The following TIPARP variants were observed in gnomAD, a reference collection of about 807,000 sequenced individuals.
The protein encoded by TIPARP is protein mono-ADP-ribosyltransferase TIPARP.
Under a neutral mutation model 56.5 loss-of-function variants are expected in TIPARP, and 12 were observed. The ratio of observed to expected loss-of-function variants is 0.21; its 90% confidence interval spans 0.14 to 0.34. TIPARP has a LOEUF of 0.34. Among genes scored for constraint, TIPARP ranks in the 10% least tolerant of loss-of-function variants. The probability of loss-of-function intolerance (pLI) is 1.00; values close to 1 mark genes in which losing one functional copy is unlikely to be tolerated. For synonymous variants in TIPARP, 296 were observed against 265.7 expected, an observed-to-expected ratio of 1.11 and a Z score of -1.11; for missense variants, 604 against 781.6, an observed-to-expected ratio of 0.77 and a Z score of 2.71.
At chr3:156,683,721 G>T (rs1722360552) in intron 2 of TIPARP, among the ~76,000 whole-genome samples, 1 of 152,174 alleles carries the variant, frequency 6.6e-6, no homozygotes, top group African/African-American at 2.4e-5. Flanking sequence ...AAGTTCTTCT[G>T]TGTATTTCTA....
chr3:156,688,485 C>CA (rs1722485442), intron 2 of TIPARP, among the ~76,000 whole-genome samples: 1 of 148,396 alleles, frequency 6.7e-6, no homozygotes, highest in Admixed American at 6.7e-5. Context: ...TATTGCCGCC[C>CA]CCCCCCGCAA....
intron 4 of TIPARP, among the ~76,000 whole-genome samples, chr3:156,701,981 A>G (rs1326130870): frequency 2.6e-4 from 36 of 137,082 alleles, no homozygotes; most frequent in African/African-American, 9.1e-4. Flanking sequence ...TAGCTTCTTG[A>G]AAGTCATCTC....
chr3:156,705,302 T>A lies in TIPARP; in HGVS notation c.*171T>A. ...TTTTTTAAAAAAAAAATACAAGTTT[T>A]AAAATGACCACTTACTCTTTAATTA... On this transcript the variant is annotated 3_prime_UTR_variant, in exon 6 of 6. Transcript: ENST00000295924. The A allele has an allele frequency of 1.8e-6, 1 of 561,896 alleles. No homozygotes were observed. Among genetic ancestry groups the A allele is most frequent in the Non-Finnish European group, 3.1e-6 (1 of 324,824 alleles). 34.8% of individuals were successfully genotyped at this position (561,896 alleles called of 1,614,324 possible).
At position 156,677,656 on chromosome 3, in the gene TIPARP, G is replaced by T; in HGVS notation, c.-41-1G>T. On this transcript the variant is annotated splice_acceptor_variant, in intron 1 of 5. Coordinates refer to ENST00000295924, the MANE Select transcript of TIPARP (RefSeq NM_015508.5). LOFTEE classifies it low-confidence loss of function (5UTR_SPLICE). Reference sequence around the variant, plus strand: ...GATCATCTTCCTTCCTTTCCTCGTAGGATTTTTAGACTCTGAGGAGCAGTT... The same window carrying T: ...GATCATCTTCCTTCCTTTCCTCGTATGATTTTTAGACTCTGAGGAGCAGTT... 1.3e-6 allele frequency: 2 copies of T among 1,505,802 alleles called. No homozygotes were observed. Among genetic ancestry groups the T allele is most frequent in the Non-Finnish European group, 1.8e-6 (2 of 1,128,108 alleles). The allele number at this position is 1,505,802 out of a possible 1,614,324, so 93.3% of individuals were successfully genotyped here. A position where few individuals can be genotyped will look rare whatever the true frequency, so the allele number is the denominator to read the frequency against.
intron 4 of TIPARP, among the ~76,000 whole-genome samples, chr3:156,700,920 G>A (rs980219877): frequency 1.6e-4 from 25 of 152,200 alleles, no homozygotes; most frequent in Admixed American, 5.2e-4. Context: ...GCTGGTGTCC[G>A]TCTGTGAAAC....
rs1169668570 is a variant in TIPARP at position 156,678,378 on chromosome 3, G to A, written c.681G>A (p.Val227=). ...EASLDLVFEL[V]NQLQYHTHQE... ...CCCTTGACCTCGTGTTTGAGCTGGT[G>A]AACCAGTTGCAGTACCACACTCACC... The change falls in exon 2 of 6, where the codon GTG becomes GTA. Residue 227 remains valine (V), a synonymous_variant. Transcript: ENST00000295924. The A allele has an allele frequency of 1.2e-6, 2 of 1,614,200 alleles. No individual in the cohort carries two copies. The highest frequency in any genetic ancestry group is 8.5e-7 in the Non-Finnish European group (1 of 1,180,024).
chr3:156,687,346 G>A (rs921998886), intron 2 of TIPARP, among the ~76,000 whole-genome samples: 6 of 152,154 alleles, frequency 3.9e-5, no homozygotes, highest in Non-Finnish European at 8.8e-5. Context: ...GATCTCATAA[G>A]TGTAATTTTT....
At position 156,677,586 on chromosome 3, in the gene TIPARP, C is replaced by T. The variant is rs552683852; in HGVS notation, c.-41-71C>T. 6.7e-5 allele frequency: 73 copies of T among 1,085,596 alleles called. No individual in the cohort carries two copies. In the East Asian group the frequency reaches 1.6e-3, roughly 25 times the overall value. 67.2% of individuals were successfully genotyped at this position (1,085,596 alleles called of 1,614,324 possible). On this transcript the variant is annotated intron_variant, in intron 1 of 5. Transcript: ENST00000295924. ...GGAATCAGTCAGGACAAAAACAAAA[C>T]ATTTTAATGAATGAATGAAATCCAG...
Position 156,705,043 on chromosome 3 carries a change from C to G in TIPARP, c.1886C>G (p.Pro629Arg). The G allele has an allele frequency of 6.2e-7, 1 of 1,614,054 alleles. No homozygotes were observed. Among genetic ancestry groups the G allele is most frequent in the Non-Finnish European group, 8.5e-7 (1 of 1,179,942 alleles). The change falls in exon 6 of 6, where the codon CCT (proline) becomes CGT (arginine). Residue 629 changes from proline to arginine, a missense_variant. Transcript: ENST00000295924. ...TCTTGTGTGGATAATTTCTTTGAGC[C>G]TCAGATTTTTGTCATTTTTAATGAT... ...YDSCVDNFFE[P>R]QIFVIFNDDQ... is the part of the protein sequence containing the mutation.
intron 3 of TIPARP, 39 bp from the exon 4 acceptor site, chr3:156,695,826 C>CTTTTTTTTTCTTTT: frequency 9.7e-7 from 1 of 1,030,334 alleles, no homozygotes; most frequent in South Asian, 3.0e-5. Flanking sequence ...ATTAACTTTC[C>CTTTTTTTTTCTTTT]TTTTTTTTTT....
At chr3:156,686,090 A>G (rs768454835) in intron 2 of TIPARP, among the ~76,000 whole-genome samples, 8 of 152,202 alleles carry the variant, frequency 5.3e-5, no homozygotes, top group African/African-American at 1.2e-4. Flanking sequence ...TAAAAGAAAG[A>G]CATCCTTGAA....
intron 3 of TIPARP, 142 bp downstream of exon 3, chr3:156,694,330 A>G (rs1577039533): frequency 1.5e-6 from 1 of 678,896 alleles, no homozygotes. Context: ...ATTGAGTCTC[A>G]TTGATACAAG....
chr3:156,677,990 C>T lies in TIPARP; in HGVS notation c.293C>T (p.Ser98Leu). Residue 98 changes from serine (S) to leucine (L), a missense_variant, in exon 2 of 6, where the codon TCA becomes TTA. By Grantham distance (145) the Ser-to-Leu change is moderately radical (BLOSUM62 -2). Transcript: ENST00000295924. Reference protein sequence around the residue: ...PMMKKAMEINSSCPPAENNMS... With the variant: ...PMMKKAMEINLSCPPAENNMS... ...ATGAAGAAAGCCATGGAAATCAATT[C>T]ATCATGCCCACCAGCAGAAAATAAT... 6.2e-7 allele frequency: 1 copy of T among 1,614,150 alleles called. No individual in the cohort carries two copies. Among genetic ancestry groups the T allele is most frequent in the Non-Finnish European group, 8.5e-7 (1 of 1,180,022 alleles).
chr3:156,677,564 ATCAG>A (rs1391488187), intron 1 of TIPARP, 89 bp from the exon 2 acceptor site: 28 of 802,516 alleles, frequency 3.5e-5, no homozygotes, highest in Admixed American at 9.7e-5. Context: ...GTTTCAGGGA[ATCAG>A]TCAGGACAAA....
intron 3 of TIPARP, among the ~76,000 whole-genome samples, chr3:156,695,598 A>G (rs1722693270): frequency 6.6e-6 from 1 of 152,010 alleles, no homozygotes; most frequent in Admixed American, 6.6e-5. Flanking sequence ...TGATATTATT[A>G]AGGCTCAAAA....
intron 2 of TIPARP, among the ~76,000 whole-genome samples, chr3:156,688,811 A>C (rs1722498127): frequency 6.6e-6 from 1 of 152,200 alleles, no homozygotes. Flanking sequence ...TAGCAGCGGC[A>C]AACATATCCC....
intron 4 of TIPARP, among the ~76,000 whole-genome samples, chr3:156,699,413 A>C (rs1722793121): frequency 6.6e-6 from 1 of 152,236 alleles, no homozygotes; most frequent in Non-Finnish European, 1.5e-5. Flanking sequence ...CACCCTGATC[A>C]GTCAGGCCAT....
In TIPARP at chr3:156,695,907, A is replaced by G. The variant is rs1722704049; in HGVS notation, c.1129A>G (p.Lys377Glu). 3 of 1,591,028 alleles carry G rather than the reference A, an allele frequency of 1.9e-6. No individual in the cohort carries two copies. The African/African-American group carries it at 4.3e-5, about 23-fold the overall frequency. Residue 377 changes from lysine (K) to glutamate (E), a missense_variant, in exon 4 of 6, where the codon AAA (lysine) becomes GAA (glutamate). Physicochemically the swap from Lys to Glu is moderately conservative, Grantham distance 56. Around this residue, in one of 4 missense-constraint regions of TIPARP, gnomAD observed 252 missense variants for 303.9 expected, o/e 0.83. Coordinates refer to ENST00000295924, the MANE Select transcript of TIPARP (RefSeq NM_015508.5). ...TGAAGAAGCCAACTCTCGGGGTCTG[A>G]AAGAGGTTCGATTTATGATGTGGAA... ...LIEEANSRGL[K>E]EVRFMMWNNH...
intron 2 of TIPARP, among the ~76,000 whole-genome samples, chr3:156,692,887 C>G (rs996288145): frequency 6.6e-6 from 1 of 151,962 alleles, no homozygotes; most frequent in African/African-American, 2.4e-5. Flanking sequence ...CTCTTTTTGC[C>G]TAGGCTGGAG....
Sources: allele counts gnomAD v4.1 joint callset (sites outside exome capture counted in the v4.1 genomes callset), GRCh38; gene constraint gnomAD v4.1.1; regional missense constraint gnomAD v4.1.1; transcripts MANE v1.5; gene names NCBI Gene and HGNC (gene_info 2026-07-23, HGNC 2026-07-21).